ELL2: variants seen among roughly 807,000 people sequenced by gnomAD.
ELL2 encodes the protein elongation factor for RNA polymerase II 2.
ELL2 carries 21 observed loss-of-function variants against 72.8 expected under a neutral mutation model. That is an observed-to-expected ratio of 0.29 (90% CI 0.20 to 0.42). ELL2 has a LOEUF of 0.42. Among genes scored for constraint, ELL2 ranks in the 10% least tolerant of loss-of-function variants. The pLI is 1.00. For missense variants in ELL2, 568 were observed against 772.8 expected (o/e 0.73, Z 3.14); for synonymous variants, 266 against 283.2 (o/e 0.94, Z 0.61).
intron 2 of ELL2, among the ~76,000 whole-genome samples, chr5:95,920,157 G>A (rs575831156): frequency 6.9e-4 from 105 of 152,118 alleles, no homozygotes; most frequent in Middle Eastern, 3.4e-3. Flanking sequence ...ACAGAAACAG[G>A]GTCTGCAGCC....
intron 1 of ELL2, among the ~76,000 whole-genome samples, chr5:95,961,074 C>T (rs1031326097): frequency 6.7e-6 from 1 of 148,694 alleles, no homozygotes; most frequent in Non-Finnish European, 1.5e-5. Context: ...ATACAAGGTC[C>T]CACCCCCACA....
rs1461440945 is a variant in ELL2 at position 95,886,370 on chromosome 5, C to T, written c.*2501G>A. ...CACACTTTTGCAAGGATCTGTCCAA[C>T]ACATACAACTAACATCTAAATTAAG... On this transcript the variant is annotated 3_prime_UTR_variant, in exon 12 of 12. Transcript: ENST00000237853. 1 of 152,196 alleles carries T rather than the reference C, an allele frequency of 6.6e-6. No individual in the cohort carries two copies. Among genetic ancestry groups the T allele is most frequent in the Admixed American group, 6.5e-5 (1 of 15,270 alleles). 9.4% of individuals were successfully genotyped at this position (152,196 alleles called of 1,614,324 possible). A position where few individuals can be genotyped will look rare whatever the true frequency, so the allele number is the denominator to read the frequency against.
rs1191973119 is a variant in ELL2, at chr5:95,886,765, T to G, written c.*2106A>C. The G allele has an allele frequency of 6.6e-6, 1 of 152,116 alleles. No homozygotes were observed. Among genetic ancestry groups the G allele is most frequent in the Non-Finnish European group, 1.5e-5 (1 of 68,028 alleles). The allele number at this position is 152,116 out of a possible 1,614,324, so 9.4% of individuals were successfully genotyped here. On this transcript the variant is annotated 3_prime_UTR_variant, in exon 12 of 12. Transcript: ENST00000237853. Reference sequence around the variant, plus strand: ...AGCCAATGGTTCTCATACTTTAGCTTGCAGAAAGTCACCTACAAGAAACCT... The same window carrying G: ...AGCCAATGGTTCTCATACTTTAGCTGGCAGAAAGTCACCTACAAGAAACCT...
intron 2 of ELL2, among the ~76,000 whole-genome samples, chr5:95,922,839 T>C (rs971770701): frequency 6.6e-6 from 1 of 152,086 alleles, no homozygotes; most frequent in African/African-American, 2.4e-5. Context: ...ATCCATGCTA[T>C]GTACTCACCA....
In ELL2 at chr5:95,961,646, T is replaced by C. The variant is rs778539182; in HGVS notation, c.76A>G (p.Asn26Asp). The C allele has an allele frequency of 9.3e-6, 15 of 1,610,426 alleles. No individual in the cohort carries two copies. Among genetic ancestry groups the C allele is most frequent in the Middle Eastern group, 1.7e-4 (1 of 6,044 alleles). The change falls in exon 1 of 12, where the codon AAC (asparagine) becomes GAC (aspartate). Residue 26 changes from asparagine (N) to aspartate (D), a missense_variant. Transcript: ENST00000237853. ...GLSCGRLGQD[N>D]ITVLHVKLTE... is the part of the protein sequence containing the mutation. The stretch of plus-strand genomic sequence containing the variant: ...AGCTTCACATGCAGTACGGTGATGT[T>C]GTCCTGCCCCAGCCGTCCGCACGAC...
chr5:95,927,846 T>A (rs1166189010), intron 2 of ELL2, among the ~76,000 whole-genome samples: 1 of 144,630 alleles, frequency 6.9e-6, no homozygotes, highest in Non-Finnish European at 1.5e-5. Flanking sequence ...TATGTGTGTA[T>A]ATTTTACTTT....
At chr5:95,961,546 G>C in intron 1 of ELL2, 29 bp downstream of exon 1, 3 of 1,549,384 alleles carry the variant, frequency 1.9e-6, no homozygotes, top group South Asian at 1.2e-5. Context: ...CTGCCTCTCT[G>C]AGCCCAGCCT....
intron 1 of ELL2, among the ~76,000 whole-genome samples, chr5:95,949,533 T>C (rs956851995): frequency 2.6e-5 from 4 of 152,142 alleles, no homozygotes; most frequent in African/African-American, 9.7e-5. Flanking sequence ...AGCTTCCCTT[T>C]TGAACCCATC....
At chr5:95,894,829 A>G (rs1033986932) in intron 9 of ELL2, among the ~76,000 whole-genome samples, 1 of 152,226 alleles carries the variant, frequency 6.6e-6, no homozygotes, top group Non-Finnish European at 1.5e-5. Flanking sequence ...CCACCATGAG[A>G]TGCTACTAAT....
chr5:95,899,257 G>T (rs978249499), intron 7 of ELL2, among the ~76,000 whole-genome samples: 2 of 152,162 alleles, frequency 1.3e-5, no homozygotes, highest in Non-Finnish European at 2.9e-5. Flanking sequence ...AATTTGTGCC[G>T]TTTGACTCTG....
chr5:95,893,637 G>A (rs1173741015), intron 9 of ELL2, among the ~76,000 whole-genome samples: 2 of 152,082 alleles, frequency 1.3e-5, no homozygotes, highest in Admixed American at 6.5e-5. Flanking sequence ...CGCCCACCTC[G>A]GCCTCCCACA....
At chr5:95,902,671 T>TAAAATTCAAATTTGC (rs1168090988) in intron 5 of ELL2, among the ~76,000 whole-genome samples, 1 of 152,264 alleles carries the variant, frequency 6.6e-6, no homozygotes, top group South Asian at 2.1e-4. Flanking sequence ...AGGTTTATCT[T>TAAAATTCAAATTTGC]AAAATTCAAA....
intron 4 of ELL2, among the ~76,000 whole-genome samples, chr5:95,912,394 C>G (rs1308319143): frequency 6.6e-6 from 1 of 152,098 alleles, no homozygotes; most frequent in Admixed American, 6.5e-5. Context: ...AACAATTTGC[C>G]TCACTGTTTA....
Position 95,886,128 on chromosome 5 carries a change from A to C in ELL2, c.*2743T>G, listed in dbSNP as rs1271318205. 2.6e-5 allele frequency: 4 copies of C among 152,148 alleles called. No homozygotes were observed. Among genetic ancestry groups the C allele is most frequent in the Non-Finnish European group, 5.9e-5 (4 of 68,016 alleles). 9.4% of individuals were successfully genotyped at this position (152,148 alleles called of 1,614,324 possible). ...CACCATCCTTCCAAAAAAGAAAAGAAAAAAAACTAGATAAATTCTTCCACC... is the reference window on the plus strand; with the variant it reads ...CACCATCCTTCCAAAAAAGAAAAGACAAAAAACTAGATAAATTCTTCCACC... On this transcript the variant is annotated 3_prime_UTR_variant, in exon 12 of 12. Coordinates refer to ENST00000237853, the MANE Select transcript of ELL2 (RefSeq NM_012081.6).
At chr5:95,896,492 G>A (rs114038749) in intron 8 of ELL2, among the ~76,000 whole-genome samples, 2,162 of 152,252 alleles carry the variant, frequency 0.014, 48 homozygotes, top group African/African-American at 0.049. Context: ...AAAAGTGAAT[G>A]TTAGGTAATT....
At chr5:95,934,133 A>G (rs928226186) in intron 2 of ELL2, among the ~76,000 whole-genome samples, 19 of 152,240 alleles carry the variant, frequency 1.2e-4, no homozygotes, top group African/African-American at 4.6e-4. Flanking sequence ...CAGATTAGTC[A>G]TAACAAAAAC....
At chr5:95,956,238 A>G (rs1751623825) in intron 1 of ELL2, among the ~76,000 whole-genome samples, 1 of 152,112 alleles carries the variant, frequency 6.6e-6, no homozygotes, top group South Asian at 2.1e-4. Context: ...TCTGGCTACT[A>G]CTTTTCTCAG....
rs1262407011 is a variant in ELL2, at chr5:95,897,366, A to T, written c.1525+874T>A. Among the ~76,000 whole-genome samples the T allele has an allele frequency of 4.6e-5, 7 of 152,210 alleles. No individual in the cohort carries two copies. In the East Asian group the frequency reaches 1.4e-3, roughly 29 times the overall value. On this transcript the variant is annotated intron_variant, in intron 8 of 11. Transcript: ENST00000237853. ...TAGTTATTCTGGTTTTAAAACTGGC[A>T]GCAATGCCAAATGGTGAACTTGGAT... is the stretch of plus-strand genomic sequence containing the variant.
chr5:95,960,281 A>C (rs2112366790), intron 1 of ELL2, among the ~76,000 whole-genome samples: 1 of 151,216 alleles, frequency 6.6e-6, no homozygotes, highest in South Asian at 2.1e-4. Context: ...CTCTCCTGTA[A>C]AACGTTACAG....
Sources: allele counts gnomAD v4.1 joint callset (sites outside exome capture counted in the v4.1 genomes callset), GRCh38; gene constraint gnomAD v4.1.1; transcripts MANE v1.5; gene names NCBI Gene and HGNC (gene_info 2026-07-23, HGNC 2026-07-21).